Variants in ANKRD36C observed in about 807,000 individuals in gnomAD.
ANKRD36C encodes the protein ankyrin repeat domain 36C.
In ANKRD36C, 61 loss-of-function variants were observed where a neutral mutation model predicts 276.4. The ratio of observed to expected loss-of-function variants is 0.22; its 90% confidence interval spans 0.18 to 0.27. The LOEUF (loss-of-function observed/expected upper bound fraction) is 0.27, where lower values mean the gene tolerates loss of function less well. ANKRD36C is among the 10% of genes least tolerant of loss of function. The pLI, the probability that ANKRD36C is intolerant of heterozygous loss-of-function variation, is 1.00. For synonymous variants in ANKRD36C, 483 were observed against 680.1 expected, an observed-to-expected ratio of 0.71 and a Z score of 4.51; for missense variants, 1,447 against 2,032.3, an observed-to-expected ratio of 0.71 and a Z score of 5.54.
exon 1 of ANKRD36C, chr2:95,991,638 G>A (rs1298588144): frequency 1.2e-6 from 2 of 1,613,938 alleles, no homozygotes; most frequent in Admixed American, 1.7e-5. Context: ...GGGGTATTGG[G>A]GAAATAAGAA....
intron 15 of ANKRD36C, among the ~76,000 whole-genome samples, chr2:95,951,060 G>A (rs186812111): frequency 3.7e-3 from 504 of 137,440 alleles, no homozygotes; most frequent in Middle Eastern, 8.8e-3. Context: ...ATCACTTGAG[G>A]TCAAAAGTTT....
At chr2:95,930,962 G>C (rs12464148) in intron 24 of ANKRD36C, among the ~76,000 whole-genome samples, 61,570 of 151,308 alleles carry the variant, frequency 0.41, 13,390 homozygotes, top group East Asian at 0.66. Context: ...TAAGGGACTT[G>C]CCACAAGTCG....
At chr2:95,947,133 T>C (rs1678074866) in intron 17 of ANKRD36C, among the ~76,000 whole-genome samples, 3 of 152,250 alleles carry the variant, frequency 2.0e-5, no homozygotes, top group South Asian at 4.1e-4. Context: ...GAAAATTTAA[T>C]CTAAAATCCT....
At chr2:95,959,783 A>T (rs1006578636) in intron 10 of ANKRD36C, among the ~76,000 whole-genome samples, 2 of 152,214 alleles carry the variant, frequency 1.3e-5, no homozygotes, top group Non-Finnish European at 2.9e-5. Flanking sequence ...ACAACAAAAC[A>T]TATATCTCTG....
intron 13 of ANKRD36C, among the ~76,000 whole-genome samples, chr2:95,955,967 T>C (rs370526294): frequency 6.6e-6 from 1 of 151,372 alleles, no homozygotes; most frequent in Non-Finnish European, 1.5e-5. Context: ...CTAAGAAAAG[T>C]GGTAGAGAAA....
chr2:95,922,752 C>T (rs1374349559), intron 32 of ANKRD36C, among the ~76,000 whole-genome samples: 12 of 151,438 alleles, frequency 7.9e-5, no homozygotes. Flanking sequence ...ATGAAAGAAG[C>T]CAATGTATTG....
chr2:95,849,219 C>G (rs1675235506), downstream of ANKRD36C, among the ~76,000 whole-genome samples: 1 of 152,058 alleles, frequency 6.6e-6, no homozygotes, highest in African/African-American at 2.4e-5. Flanking sequence ...ACCACCACAC[C>G]CAGCTAATTT....
At chr2:95,869,341 C>A (rs1453505086) in intron 59 of ANKRD36C, among the ~76,000 whole-genome samples, 1 of 151,928 alleles carries the variant, frequency 6.6e-6, no homozygotes, top group Non-Finnish European at 1.5e-5. Flanking sequence ...GTTAAATTTC[C>A]CAAAAATGAA....
intron 38 of ANKRD36C, 141 bp from the exon 41 acceptor site, chr2:95,914,444 A>C: frequency 8.9e-7 from 1 of 1,128,274 alleles, no homozygotes; most frequent in Non-Finnish European, 1.3e-6. Context: ...GTGTCTGGGG[A>C]CTAGAACATG....
At chr2:95,863,540 T>A (rs1013476767) in intron 60 of ANKRD36C, among the ~76,000 whole-genome samples, 4 of 151,974 alleles carry the variant, frequency 2.6e-5, no homozygotes, top group African/African-American at 9.7e-5. Context: ...AGAAGAAAAT[T>A]CCCTCATGAG....
intron 60 of ANKRD36C, among the ~76,000 whole-genome samples, chr2:95,866,163 T>C (rs1675679492): frequency 6.6e-6 from 1 of 151,914 alleles, no homozygotes; most frequent in Non-Finnish European, 1.5e-5. Context: ...CAGATTTAAA[T>C]GGAAGATCCA....
intron 42 of ANKRD36C, among the ~76,000 whole-genome samples, chr2:95,911,553 C>T (rs1004293402): frequency 1.3e-5 from 2 of 151,470 alleles, no homozygotes; most frequent in African/African-American, 2.4e-5. Context: ...CTAAAATCAA[C>T]AAAACATGTA....
At chr2:95,856,288 A>G (rs878891755) in intron 62 of ANKRD36C, 108 bp from the exon 83 acceptor site, 4 of 1,550,850 alleles carry the variant, frequency 2.6e-6, no homozygotes, top group Admixed American at 2.2e-5. Flanking sequence ...AGAGGTTGCC[A>G]TAACTGGATA....
intron 42 of ANKRD36C, among the ~76,000 whole-genome samples, chr2:95,910,921 C>T (rs1676900235): frequency 2.0e-5 from 3 of 150,300 alleles, no homozygotes; most frequent in Admixed American, 6.7e-5. Context: ...AAAGCAGGTG[C>T]CACATGATCC....
At position 95,875,455 on chromosome 2, in the gene ANKRD36C, T is replaced by A. The variant is rs533699577; in HGVS notation, c.3540+984A>T. ...ACAAAAAACCAAACACTGCATGTTC[T>A]CACTCATAGGTGGGAATTGAACAAT... On this transcript the variant is annotated intron_variant, in intron 59 of 66. Transcript: ENST00000456556. 2.1e-5 allele frequency among the ~76,000 whole-genome samples: 3 copies of A among 143,624 alleles called. No homozygotes were observed. The Admixed American group carries it at 2.2e-4, about 11-fold the overall frequency. The allele number at this position is 143,624 out of a possible 152,430, so 94.2% of individuals were successfully genotyped here. A position where few individuals can be genotyped will look rare whatever the true frequency, so the allele number is the denominator to read the frequency against.
rs551187733 is a variant in ANKRD36C, at chr2:95,961,648, GCTAATA to G, written c.901+698_901+703del. Among the ~76,000 whole-genome samples, 696 of 152,074 alleles carry G rather than the reference GCTAATA, an allele frequency of 4.6e-3. 3 individuals are homozygous for G. Among genetic ancestry groups the G allele is most frequent in the Middle Eastern group, 0.017 (5 of 294 alleles). On this transcript the variant is annotated intron_variant, in intron 8 of 66. Coordinates refer to ENST00000456556, the Ensembl canonical transcript of ANKRD36C. ...TATTCATGATTAGCCTATTTGAATA[GCTAATA>G]CCAACAAAACATATATCTCTGATGC...
intron 6 of ANKRD36C, among the ~76,000 whole-genome samples, chr2:95,971,878 C>G (rs1678708229): frequency 6.6e-6 from 1 of 151,970 alleles, no homozygotes; most frequent in Non-Finnish European, 1.5e-5. Context: ...CCTAATATTG[C>G]CATAGTAACT....
chr2:95,902,964 T>A lies in ANKRD36C; in HGVS notation c.2654-3628A>T, dbSNP rs1676701429. The A allele has an allele frequency of 2.5e-6, 4 of 1,587,534 alleles. No individual in the cohort carries two copies. The highest frequency in any genetic ancestry group is 2.7e-5 in the African/African-American group (2 of 73,930). On this transcript the variant is annotated intron_variant, in intron 42 of 66. Coordinates refer to ENST00000456556, the Ensembl canonical transcript of ANKRD36C. ...TCTTTCTCGTCTCTTGTAGCCTGAA[T>A]GGAATTTGAAATGCAATAATAAATT...
chr2:95,925,293 G>A, intron 30 of ANKRD36C, 59 bp downstream of exon 30: 1 of 1,545,762 alleles, frequency 6.5e-7, no homozygotes, highest in Non-Finnish European at 8.7e-7. Context: ...CTATTCAGGG[G>A]TGGGACGTTC....
Sources: gnomAD v4.1 joint callset for allele counts (sites outside exome capture counted in the v4.1 genomes callset) on GRCh38, gnomAD v4.1.1 for gene constraint, MANE v1.5 for transcripts, NCBI Gene and HGNC (gene_info 2026-07-23, HGNC 2026-07-21) for gene names.